PDCD11: variants seen among roughly 807,000 people sequenced by gnomAD.
PDCD11 encodes programmed cell death 11.
In PDCD11, 97 loss-of-function variants were observed where a neutral mutation model predicts 198.9. That is an observed-to-expected ratio of 0.49 (90% CI 0.41 to 0.58). PDCD11 has a LOEUF of 0.58. PDCD11 is among the 20% of genes least tolerant of loss of function. The pLI is 0.00. For synonymous variants in PDCD11, 893 were observed against 918.0 expected (o/e 0.97, Z 0.49); for missense variants, 2,102 against 2,312.7 (o/e 0.91, Z 1.87).
intron 8 of PDCD11, among the ~76,000 whole-genome samples, chr10:103,410,956 T>G (rs1055494320): frequency 6.6e-6 from 1 of 151,484 alleles, no homozygotes; most frequent in Non-Finnish European, 1.5e-5. Flanking sequence ...GTGCCTGTAG[T>G]CCCAGCTACT....
At chr10:103,400,306 G>A in intron 2 of PDCD11, 91 bp from the exon 3 acceptor site, 2 of 1,045,818 alleles carry the variant, frequency 1.9e-6, no homozygotes, top group Non-Finnish European at 1.3e-6. Context: ...GAGTAACAAA[G>A]CAAGGTGAGT....
chr10:103,427,024 G>T (rs2031726770), intron 20 of PDCD11, among the ~76,000 whole-genome samples: 1 of 152,030 alleles, frequency 6.6e-6, no homozygotes, highest in African/African-American at 2.4e-5. Context: ...TGGGAGGATT[G>T]CTTGAGCCCA....
rs915163462 is a variant in PDCD11, at chr10:103,442,551, C to T, written c.4955+91C>T. The T allele has an allele frequency of 9.8e-5, 145 of 1,472,440 alleles. 1 individual carries two copies. The highest frequency in any genetic ancestry group is 4.7e-4 in the South Asian group (37 of 78,954). The allele number at this position is 1,472,440 out of a possible 1,614,324, so 91.2% of individuals were successfully genotyped here. On this transcript the variant is annotated intron_variant, in intron 32 of 35. Coordinates refer to ENST00000369797, the MANE Select transcript of PDCD11 (RefSeq NM_014976.2). ...GTGGGGTAGCTCCTCCTAGGCAGGCCGGCAGCATTTTGGGTGGCTGCCACC... is the reference window on the plus strand; with the variant it reads ...GTGGGGTAGCTCCTCCTAGGCAGGCTGGCAGCATTTTGGGTGGCTGCCACC...
chr10:103,434,418 C>A, intron 24 of PDCD11, 68 bp downstream of exon 24: 1 of 1,013,170 alleles, frequency 9.9e-7, no homozygotes, highest in Non-Finnish European at 1.6e-6. Flanking sequence ...GGGTTTTCAG[C>A]TATTGCTTGA....
intron 19 of PDCD11, among the ~76,000 whole-genome samples, chr10:103,423,918 G>C (rs1182059563): frequency 6.6e-6 from 1 of 152,322 alleles, no homozygotes; most frequent in Middle Eastern, 3.4e-3. Context: ...GGAGCTGGCT[G>C]TGTGGGTAGG....
rs1460137985 is a variant in PDCD11 at position 103,415,119 on chromosome 10, A to T, written c.1486A>T (p.Lys496Ter). 3.7e-6 allele frequency: 6 copies of T among 1,614,042 alleles called. No homozygotes were observed. In the African/African-American group the frequency reaches 4.0e-5, roughly 11 times the overall value. ...CATCCTGATGAAGAATCCGGAGAAG[A>T]AGTACCACATCGGGGATGAGGTCAA... is the stretch of plus-strand genomic sequence containing the variant. Reference protein sequence around the residue: ...ADILMKNPEKKYHIGDEVKCR... With the variant: ...ADILMKNPEK Residue 496 changes from lysine (K) to a stop codon, truncating the protein, a stop_gained, in exon 12 of 36, where the codon AAG (lysine) becomes TAG (stop). Transcript: ENST00000369797. LOFTEE classifies it high-confidence loss of function.
rs959870056 is a variant in PDCD11, at chr10:103,419,586, G to C, written c.2155G>C (p.Asp719His). Residue 719 changes from aspartate (D) to histidine (H), a missense_variant, in exon 16 of 36, where the codon GAT becomes CAT. Physicochemically the swap from Asp to His is moderately conservative, Grantham distance 81. Coordinates refer to ENST00000369797, the MANE Select transcript of PDCD11 (RefSeq NM_014976.2). ...GGTCTCCACAGTAGAAGGTGGCCAG[G>C]ATCCCAAGAACTTCTCAGAAATCCA... ...ALVSTVEGGQ[D>H]PKNFSEIHPG... 1 of 1,613,982 alleles carries C rather than the reference G, an allele frequency of 6.2e-7. No homozygotes were observed. The highest frequency in any genetic ancestry group is 8.5e-7 in the Non-Finnish European group (1 of 1,180,014).
At position 103,406,717 on chromosome 10, in the gene PDCD11, T is replaced by C. The variant is rs1289304261; in HGVS notation, c.797T>C (p.Ile266Thr). 5 of 1,614,148 alleles carry C rather than the reference T, an allele frequency of 3.1e-6. No individual in the cohort carries two copies. Among genetic ancestry groups the C allele is most frequent in the Non-Finnish European group, 4.2e-6 (5 of 1,180,008 alleles). ...GGTCACTCAGAGGTTTCTACGGCCA[T>C]TGCTACTGAACAGCAGAGCTGGAAC... is the stretch of plus-strand genomic sequence containing the variant. ...SVGHSEVSTA[I>T]ATEQQSWNLN... Residue 266 changes from isoleucine (I) to threonine (T), a missense_variant, in exon 7 of 36, where the codon ATT (isoleucine) becomes ACT (threonine). Ile to Thr is a moderately conservative substitution (Grantham distance 89, BLOSUM62 -1). Transcript: ENST00000369797.
chr10:103,436,375 G>A (rs1306814796), intron 25 of PDCD11, among the ~76,000 whole-genome samples: 1 of 152,098 alleles, frequency 6.6e-6, no homozygotes. Context: ...GTGAGCCTCC[G>A]CACCCAGCCA....
chr10:103,423,082 C>T lies in PDCD11; in HGVS notation c.2592C>T (p.Phe864=), dbSNP rs1034197418. 6.2e-7 allele frequency: 1 copy of T among 1,605,598 alleles called. No homozygotes were observed. The highest frequency in any genetic ancestry group is 8.5e-7 in the Non-Finnish European group (1 of 1,175,658). Reference sequence around the variant, plus strand: ...TGTTGGAAGATGGCTCTGTGGTATTCAGTGGGGGTCCAGTGCCCGACCTGG... The same window carrying T: ...TGTTGGAAGATGGCTCTGTGGTATTTAGTGGGGGTCCAGTGCCCGACCTGG... ...QEVLEDGSVV[F]SGGPVPDLVL... The change falls in exon 18 of 36, where the codon TTC becomes TTT. Residue 864 remains phenylalanine, a synonymous_variant. Transcript: ENST00000369797.
chr10:103,445,615 G>A lies in PDCD11; in HGVS notation c.*66G>A. On this transcript the variant is annotated 3_prime_UTR_variant, in exon 36 of 36. Coordinates refer to ENST00000369797, the MANE Select transcript of PDCD11 (RefSeq NM_014976.2). The stretch of plus-strand genomic sequence containing the variant: ...GCCCGGCCCCGCCTCGAGTGCCTGG[G>A]CACTCGGAAAACTGTTACCTCAGGA... 2 of 1,433,960 alleles carry A rather than the reference G, an allele frequency of 1.4e-6. No homozygotes were observed. Among genetic ancestry groups the A allele is most frequent in the Admixed American group, 2.0e-5 (1 of 49,504 alleles). The allele number at this position is 1,433,960 out of a possible 1,614,324, so 88.8% of individuals were successfully genotyped here.
In PDCD11 at chr10:103,405,984, GCTACTTACAGGTACCGTATCCAGC is replaced by G. The variant is rs749389682; in HGVS notation, c.567_590del (p.Leu190_Leu197del). 1 of 1,613,488 alleles carries G rather than the reference GCTACTTACAGGTACCGTATCCAGC, an allele frequency of 6.2e-7. No homozygotes were observed. The highest frequency in any genetic ancestry group is 1.7e-5 in the Admixed American group (1 of 59,970). On this transcript the variant is annotated inframe_deletion and splice_region_variant, in exon 6 of 36. Coordinates refer to ENST00000369797, the MANE Select transcript of PDCD11 (RefSeq NM_014976.2). ...TTCTGGGACTACTTTCTCTTCCCCA[GCTACTTACAGGTACCGTATCCAGC>G]CTGGAAGACCATGGCTACCTAGTGG...
At position 103,445,474 on chromosome 10, in the gene PDCD11, TGAG is replaced by T. The variant is rs778901185; in HGVS notation, c.5542_5544del (p.Glu1848del). On this transcript the variant is annotated inframe_deletion, in exon 36 of 36. Coordinates refer to ENST00000369797, the MANE Select transcript of PDCD11 (RefSeq NM_014976.2). Reference sequence around the variant, plus strand: ...TGGACTACGAGAAGCAGCATGGCACTGAGAAGGATGTGCAGGCAGTCAAGGCCA... The same window carrying T: ...TGGACTACGAGAAGCAGCATGGCACTAAGGATGTGCAGGCAGTCAAGGCCA... 9 of 1,614,108 alleles carry T rather than the reference TGAG, an allele frequency of 5.6e-6. No individual in the cohort carries two copies. In the East Asian group the frequency reaches 2.0e-4, roughly 36 times the overall value.
chr10:103,441,702 G>A (rs1316513468), intron 30 of PDCD11, 124 bp from the exon 31 acceptor site: 10 of 814,256 alleles, frequency 1.2e-5, no homozygotes, highest in East Asian at 2.5e-5. Context: ...CCTAGGAGGA[G>A]AGGAGAGGAG....
At chr10:103,418,360 C>T (rs542602733) in intron 14 of PDCD11, 80 bp from the exon 15 acceptor site, 2 of 1,220,174 alleles carry the variant, frequency 1.6e-6, no homozygotes, top group Middle Eastern at 2.0e-4. Flanking sequence ...AGTTTAATGC[C>T]TCCAAGCCCT....
At chr10:103,422,900 C>A in intron 17 of PDCD11, 88 bp from the exon 18 acceptor site, 1 of 1,241,918 alleles carries the variant, frequency 8.1e-7, no homozygotes, top group Non-Finnish European at 1.1e-6. Flanking sequence ...CTCCACTGTC[C>A]TCCGTGGTGA....
In PDCD11 at chr10:103,403,175, C is replaced by T. The variant is rs754344981; in HGVS notation, c.292C>T (p.Leu98=). The T allele has an allele frequency of 1.2e-6, 2 of 1,614,106 alleles. No homozygotes were observed. The highest frequency in any genetic ancestry group is 1.3e-5 in the African/African-American group (1 of 75,054). Residue 98 remains leucine, a synonymous_variant, in exon 4 of 36, where the codon CTG becomes TTG. Transcript: ENST00000369797. ...CGTGAAAGAGGTGAATGAACTGGAA[C>T]TGGTGATTAGTCTCCCCAATGGCCT... The part of the protein sequence containing the change: ...GCVKEVNELE[L]VISLPNGLQG...
intron 31 of PDCD11, 65 bp from the exon 32 acceptor site, chr10:103,442,148 C>T: frequency 2.5e-6 from 4 of 1,593,382 alleles, no homozygotes; most frequent in Non-Finnish European, 3.4e-6. Context: ...TCGTGACTTC[C>T]ACCACAGACC....
intron 14 of PDCD11, 47 bp downstream of exon 14, chr10:103,417,979 G>T (rs1461390191): frequency 1.9e-6 from 3 of 1,603,502 alleles, no homozygotes; most frequent in Non-Finnish European, 2.6e-6. Flanking sequence ...CAGTGGCAGA[G>T]AGCAGGGAAC....
Sources: gnomAD v4.1 joint callset for allele counts (sites outside exome capture counted in the v4.1 genomes callset) on GRCh38, gnomAD v4.1.1 for gene constraint, MANE v1.5 for transcripts, NCBI Gene and HGNC (gene_info 2026-07-23, HGNC 2026-07-21) for gene names.